Variants in ELOVL5 observed in about 807,000 individuals in gnomAD.
The protein encoded by ELOVL5 is ELOVL fatty acid elongase 5.
ELOVL5 carries 8 observed loss-of-function variants against 38.6 expected under a neutral mutation model. The ratio of observed to expected loss-of-function variants is 0.21; its 90% CI spans 0.12 to 0.37. ELOVL5 has a LOEUF of 0.37. Ranked by LOEUF, ELOVL5 falls within the 10% of genes least tolerant of loss-of-function variation. ELOVL5 has a pLI of 1.00. For synonymous variants in ELOVL5, 127 were observed against 133.7 expected (o/e 0.95, Z 0.34); for missense variants, 280 against 367.8 (o/e 0.76, Z 1.95).
intron 3 of ELOVL5, among the ~76,000 whole-genome samples, chr6:53,282,415 A>C (rs1407871738): frequency 2.0e-5 from 3 of 152,222 alleles, no homozygotes; most frequent in African/African-American, 7.2e-5. Context: ...ACAAGCCAGA[A>C]GGCTTCCTCT....
At position 53,295,686 on chromosome 6, in the gene ELOVL5, T is replaced by C. The variant is rs1336879862; in HGVS notation, c.14A>G (p.Asp5Gly). Reference sequence around the variant, plus strand: ...CTTGAAATAGGTACTAAGTGATGCATCAAAATGTTCCATTTGAAAACCTAT... The same window carrying C: ...CTTGAAATAGGTACTAAGTGATGCACCAAAATGTTCCATTTGAAAACCTAT... MEHF[D>G]ASLSTYFKAL... The change falls in exon 2 of 8, where the codon GAT (aspartate) becomes GGT (glycine). Residue 5 changes from aspartate (D) to glycine (G), a missense_variant. Physicochemically the swap from Asp to Gly is moderately conservative, Grantham distance 94. Around this residue, in one of 3 missense-constraint regions of ELOVL5, gnomAD observed 150 missense variants for 178.0 expected, o/e 0.84. Coordinates refer to ENST00000304434, the MANE Select transcript of ELOVL5 (RefSeq NM_021814.5). 6.3e-7 allele frequency: 1 copy of C among 1,592,516 alleles called. No individual in the cohort carries two copies. The highest frequency in any genetic ancestry group is 2.3e-5 in the East Asian group (1 of 44,394).
At chr6:53,290,462 A>T (rs1261107159) in intron 3 of ELOVL5, 1 of 152,164 alleles carries the variant, frequency 6.6e-6, no homozygotes, top group Non-Finnish European at 1.5e-5. Flanking sequence ...TGGGGCCAGG[A>T]GTCACTCCTG....
chr6:53,329,157 G>C (rs986957160), intron 1 of ELOVL5, among the ~76,000 whole-genome samples: 1 of 151,184 alleles, frequency 6.6e-6, no homozygotes, highest in Non-Finnish European at 1.5e-5. Flanking sequence ...AGTACTTTTA[G>C]TACTATATAT....
chr6:53,344,820 C>T (rs963169899), intron 1 of ELOVL5, among the ~76,000 whole-genome samples: 8 of 152,204 alleles, frequency 5.3e-5, no homozygotes, highest in African/African-American at 1.4e-4. Flanking sequence ...ATTCCACACT[C>T]GCTTACTCTC....
intron 1 of ELOVL5, among the ~76,000 whole-genome samples, chr6:53,333,619 A>G (rs1768901715): frequency 6.6e-6 from 1 of 152,348 alleles, no homozygotes; most frequent in South Asian, 2.1e-4. Flanking sequence ...TCTTATTTTT[A>G]TCAAATCAAA....
chr6:53,274,115 G>A (rs1170421055), intron 5 of ELOVL5, among the ~76,000 whole-genome samples: 3 of 152,302 alleles, frequency 2.0e-5, no homozygotes, highest in Middle Eastern at 3.4e-3. Flanking sequence ...TGGCCCAAGT[G>A]GAGCTGATTA....
chr6:53,298,736 C>T (rs990081313), intron 1 of ELOVL5, among the ~76,000 whole-genome samples: 2 of 152,140 alleles, frequency 1.3e-5, no homozygotes, highest in African/African-American at 2.4e-5. Flanking sequence ...GCTGGCATTA[C>T]AGTGGAAACA....
At chr6:53,344,496 TG>T in intron 1 of ELOVL5, among the ~76,000 whole-genome samples, 1 of 152,310 alleles carries the variant, frequency 6.6e-6, no homozygotes, top group East Asian at 1.9e-4. Context: ...AGCTTATTGG[TG>T]GTATTCTACC....
intron 1 of ELOVL5, among the ~76,000 whole-genome samples, chr6:53,326,736 G>A (rs1768559390): frequency 6.6e-6 from 1 of 152,132 alleles, no homozygotes; most frequent in Admixed American, 6.6e-5. Context: ...TGACTGTGAG[G>A]CTGGAAAGCA....
chr6:53,332,610 G>A (rs1287516374), intron 1 of ELOVL5, among the ~76,000 whole-genome samples: 1 of 152,146 alleles, frequency 6.6e-6, no homozygotes, highest in Non-Finnish European at 1.5e-5. Context: ...GGAGTGAAAT[G>A]GAGAGGACAA....
At chr6:53,335,046 T>C (rs1182368713) in intron 1 of ELOVL5, among the ~76,000 whole-genome samples, 1 of 152,200 alleles carries the variant, frequency 6.6e-6, no homozygotes, top group Non-Finnish European at 1.5e-5. Flanking sequence ...CATCACCTAT[T>C]ACGTGAAAAG....
intron 2 of ELOVL5, chr6:53,294,202 T>C: frequency 2.0e-6 from 3 of 1,473,206 alleles, no homozygotes; most frequent in Non-Finnish European, 2.7e-6. Context: ...CCCGGGCACC[T>C]GACCCGAACT....
At chr6:53,285,934 G>GT (rs989805552) in intron 3 of ELOVL5, among the ~76,000 whole-genome samples, 20 of 151,016 alleles carry the variant, frequency 1.3e-4, no homozygotes, top group South Asian at 2.1e-4. Flanking sequence ...TATGTCTACT[G>GT]TTTTTTTTTA....
At chr6:53,303,742 A>T (rs1323478865) in intron 1 of ELOVL5, among the ~76,000 whole-genome samples, 1 of 152,256 alleles carries the variant, frequency 6.6e-6, no homozygotes, top group Non-Finnish European at 1.5e-5. Flanking sequence ...TTTAGGGTCA[A>T]CACAGAAGCC....
At chr6:53,290,968 A>G (rs1561870077) in intron 3 of ELOVL5, among the ~76,000 whole-genome samples, 3 of 152,136 alleles carry the variant, frequency 2.0e-5, no homozygotes. Context: ...TTAATTCTCC[A>G]GAAGAGTTAG....
intron 1 of ELOVL5, among the ~76,000 whole-genome samples, chr6:53,326,882 C>G (rs1768571699): frequency 6.6e-6 from 1 of 152,192 alleles, no homozygotes; most frequent in Non-Finnish European, 1.5e-5. Context: ...GCACTCACAA[C>G]AGGCGCTTGG....
At chr6:53,284,803 CTAT>C (rs1013930585) in intron 3 of ELOVL5, among the ~76,000 whole-genome samples, 25 of 151,376 alleles carry the variant, frequency 1.7e-4, no homozygotes, top group African/African-American at 5.8e-4. Flanking sequence ...AATTTTTTCA[CTAT>C]TATTATATCT....
intron 6 of ELOVL5, among the ~76,000 whole-genome samples, chr6:53,272,087 C>CA (rs1350868534): frequency 6.6e-6 from 1 of 152,190 alleles, no homozygotes; most frequent in Non-Finnish European, 1.5e-5. Context: ...TCAAACACTT[C>CA]AGTCTCTAAG....
chr6:53,293,551 CAG>C (rs963355936), intron 2 of ELOVL5, among the ~76,000 whole-genome samples: 27 of 152,268 alleles, frequency 1.8e-4, no homozygotes, highest in African/African-American at 6.5e-4. Context: ...CTCCTGACCT[CAG>C]GGGACCCACC....
Sources: gnomAD v4.1 joint callset for allele counts (sites outside exome capture counted in the v4.1 genomes callset) on GRCh38, gnomAD v4.1.1 for gene constraint, gnomAD v4.1.1 regional missense constraint, MANE v1.5 for transcripts, NCBI Gene and HGNC (gene_info 2026-07-23, HGNC 2026-07-21) for gene names.